FGF9: variants seen among roughly 807,000 people sequenced by gnomAD.
FGF9 encodes the protein fibroblast growth factor 9.
In FGF9, 3 loss-of-function variants were observed where a neutral mutation model predicts 19.9. That is an observed-to-expected ratio of 0.15 (90% CI 0.07 to 0.39). The LOEUF (loss-of-function observed/expected upper bound fraction) is 0.39, where lower values mean the gene tolerates loss of function less well. Ranked by LOEUF, FGF9 falls within the 10% of genes least tolerant of loss-of-function variation. The pLI is 1.00. For synonymous variants in FGF9, 107 were observed against 106.9 expected (o/e 1.00, Z -0.01); for missense variants, 175 against 256.8 (o/e 0.68, Z 2.18).
chr13:21,701,700 AGTGTGTGTATGTGT>A lies in FGF9; in HGVS notation c.*274_*287del. The A allele has an allele frequency of 2.3e-6, 1 of 441,908 alleles. No homozygotes were observed. The highest frequency in any genetic ancestry group is 2.1e-5 in the South Asian group (1 of 48,634). 27.4% of individuals were successfully genotyped at this position (441,908 alleles called of 1,614,324 possible). A position where few individuals can be genotyped will look rare whatever the true frequency, so the allele number is the denominator to read the frequency against. Reference sequence around the variant, plus strand: ...AGAGAGAGAGAGACTGAGCGCTAGGAGTGTGTGTATGTGTGTGTGTGTGTGTGTGTGTGTGTGTG... The same window carrying A: ...AGAGAGAGAGAGACTGAGCGCTAGGAGTGTGTGTGTGTGTGTGTGTGTGTG... On this transcript the variant is annotated 3_prime_UTR_variant, in exon 3 of 3. Coordinates refer to ENST00000382353, the MANE Select transcript of FGF9 (RefSeq NM_002010.3).
chr13:21,684,116 CTT>C (rs1872103159), intron 2 of FGF9, among the ~76,000 whole-genome samples: 1 of 152,242 alleles, frequency 6.6e-6, no homozygotes, highest in African/African-American at 2.4e-5. Context: ...AAGCAGGACT[CTT>C]TATTTAAATT....
In FGF9 at chr13:21,704,055, A is replaced by G. The variant is rs1178349151; in HGVS notation, c.*2620A>G. 1 of 152,178 alleles carries G rather than the reference A, an allele frequency of 6.6e-6. No homozygotes were observed. Among genetic ancestry groups the G allele is most frequent in the Non-Finnish European group, 1.5e-5 (1 of 68,022 alleles). The allele number at this position is 152,178 out of a possible 1,614,324, so 9.4% of individuals were successfully genotyped here. A position where few individuals can be genotyped will look rare whatever the true frequency, so the allele number is the denominator to read the frequency against. On this transcript the variant is annotated 3_prime_UTR_variant, in exon 3 of 3. Transcript: ENST00000382353. ...GTGTGGGCATTGTCTCTTGGGCAGT[A>G]GAGTGAGTCATCCCCAGCTCATGGG...
chr13:21,700,940 T>C (rs1427124387), intron 2 of FGF9, among the ~76,000 whole-genome samples: 1 of 152,234 alleles, frequency 6.6e-6, no homozygotes, highest in East Asian at 1.9e-4. Flanking sequence ...ATGGGGGTTA[T>C]ATTGTGTAGC....
intron 1 of FGF9, among the ~76,000 whole-genome samples, chr13:21,680,069 T>G (rs1593092411): frequency 6.6e-6 from 1 of 152,216 alleles, no homozygotes; most frequent in South Asian, 2.1e-4. Context: ...GGCCATAAAA[T>G]TCTGGATTTA....
chr13:21,695,935 A>G (rs1045932522), intron 2 of FGF9, among the ~76,000 whole-genome samples: 11 of 152,200 alleles, frequency 7.2e-5, no homozygotes, highest in Non-Finnish European at 1.5e-4. Flanking sequence ...TGTGGACAAA[A>G]CGACACCACA....
At position 21,685,712 on chromosome 13, in the gene FGF9, A is replaced by C. The variant is rs1872141213; in HGVS notation, c.381+4567A>C. On this transcript the variant is annotated intron_variant, in intron 2 of 2. Coordinates refer to ENST00000382353, the MANE Select transcript of FGF9 (RefSeq NM_002010.3). Reference sequence around the variant, plus strand: ...TTGTAAATAATTCAGGGCAGTGTGAAATTTCCCATAGTAGAGGAATGGACA... The same window carrying C: ...TTGTAAATAATTCAGGGCAGTGTGACATTTCCCATAGTAGAGGAATGGACA... 2.0e-5 allele frequency among the ~76,000 whole-genome samples: 3 copies of C among 152,338 alleles called. No individual in the cohort carries two copies. In the South Asian group the frequency reaches 6.2e-4, roughly 32 times the overall value.
At position 21,701,604 on chromosome 13, in the gene FGF9, C is replaced by T; in HGVS notation, c.*169C>T. ...TGGATGGGAATATGCTGATTTTGTTCTGCACTTAAAGGCTTCTCCTCCTGG... is the reference window on the plus strand; with the variant it reads ...TGGATGGGAATATGCTGATTTTGTTTTGCACTTAAAGGCTTCTCCTCCTGG... On this transcript the variant is annotated 3_prime_UTR_variant, in exon 3 of 3. Transcript: ENST00000382353. 3.2e-6 allele frequency: 3 copies of T among 945,758 alleles called. No individual in the cohort carries two copies. Among genetic ancestry groups the T allele is most frequent in the Non-Finnish European group, 4.8e-6 (3 of 621,974 alleles). 58.6% of individuals were successfully genotyped at this position (945,758 alleles called of 1,614,324 possible).
At chr13:21,684,716 C>T (rs933522578) in intron 2 of FGF9, among the ~76,000 whole-genome samples, 1 of 152,180 alleles carries the variant, frequency 6.6e-6, no homozygotes, top group Non-Finnish European at 1.5e-5. Context: ...ATGAAGAGCT[C>T]GAGTTAGACA....
rs1006237647 is a variant in FGF9, at chr13:21,682,035, G to A, written c.381+890G>A. Among the ~76,000 whole-genome samples the A allele has an allele frequency of 5.4e-5, 8 of 148,118 alleles. No homozygotes were observed. In the East Asian group the frequency reaches 1.6e-3, roughly 29 times the overall value. On this transcript the variant is annotated intron_variant, in intron 2 of 2. Coordinates refer to ENST00000382353, the MANE Select transcript of FGF9 (RefSeq NM_002010.3). ...CTTTCTTTTTTTTTTTTTTGAGATA[G>A]GGTATTGCTGTTGCCCAGGCTAGAG...
rs77745672 is a variant in FGF9 at position 21,695,170 on chromosome 13, G to A, written c.382-6020G>A. Among the ~76,000 whole-genome samples, 1,105 of 151,886 alleles carry A rather than the reference G, an allele frequency of 7.3e-3. 6 individuals carry two copies. The highest frequency in any genetic ancestry group is 0.025 in the African/African-American group (1,040 of 41,424). On this transcript the variant is annotated intron_variant, in intron 2 of 2. Coordinates refer to ENST00000382353, the MANE Select transcript of FGF9 (RefSeq NM_002010.3). ...TATCATTGAGTTCCCAAATATTGAC[G>A]TAAGCAGCTTCTGGGAAAGGGTCTT... is the stretch of plus-strand genomic sequence containing the variant.
In FGF9 at chr13:21,703,958, A is replaced by C. The variant is rs1008722938; in HGVS notation, c.*2523A>C. 2.6e-5 allele frequency: 4 copies of C among 152,178 alleles called. No individual in the cohort carries two copies. The highest frequency in any genetic ancestry group is 5.9e-5 in the Non-Finnish European group (4 of 68,036). The allele number at this position is 152,178 out of a possible 1,614,324, so 9.4% of individuals were successfully genotyped here. On this transcript the variant is annotated 3_prime_UTR_variant, in exon 3 of 3. Transcript: ENST00000382353. ...GATACAATAAACTGTAATGGTCTGTAAATAAATAAATATTGACTCATGCGA... is the reference window on the plus strand; with the variant it reads ...GATACAATAAACTGTAATGGTCTGTCAATAAATAAATATTGACTCATGCGA...
intron 2 of FGF9, among the ~76,000 whole-genome samples, chr13:21,687,309 G>A (rs1192641341): frequency 2.6e-5 from 4 of 152,134 alleles, no homozygotes; most frequent in Non-Finnish European, 4.4e-5. Context: ...TCTTTAAAAG[G>A]AGACAATGAA....
chr13:21,676,167 C>T (rs1394036462), intron 1 of FGF9, among the ~76,000 whole-genome samples: 1 of 152,038 alleles, frequency 6.6e-6, no homozygotes, highest in African/African-American at 2.4e-5. Flanking sequence ...AAAACATGAA[C>T]GCTGGGCCTG....
At chr13:21,683,032 A>C (rs1011739740) in intron 2 of FGF9, among the ~76,000 whole-genome samples, 1 of 152,238 alleles carries the variant, frequency 6.6e-6, no homozygotes, top group African/African-American at 2.4e-5. Flanking sequence ...TTTAAAGAAT[A>C]GAATGAATGA....
At chr13:21,675,085 C>A (rs944498789) in intron 1 of FGF9, among the ~76,000 whole-genome samples, 1 of 151,216 alleles carries the variant, frequency 6.6e-6, no homozygotes, top group African/African-American at 2.4e-5. Flanking sequence ...GGAGCGGAAG[C>A]CCCGGCCCAG....
rs1872593020 is a variant in FGF9, at chr13:21,703,622, T to A, written c.*2187T>A. On this transcript the variant is annotated 3_prime_UTR_variant, in exon 3 of 3. Coordinates refer to ENST00000382353, the MANE Select transcript of FGF9 (RefSeq NM_002010.3). Reference sequence around the variant, plus strand: ...AATGTGCACATATTCAGGCTTTAGTTTTTCCAAAAGGCATTTTTTTTTTGG... The same window carrying A: ...AATGTGCACATATTCAGGCTTTAGTATTTCCAAAAGGCATTTTTTTTTTGG... 6.6e-6 allele frequency: 1 copy of A among 152,152 alleles called. No homozygotes were observed. The highest frequency in any genetic ancestry group is 2.1e-4 in the South Asian group (1 of 4,832). 9.4% of individuals were successfully genotyped at this position (152,152 alleles called of 1,614,324 possible). A position where few individuals can be genotyped will look rare whatever the true frequency, so the allele number is the denominator to read the frequency against.
chr13:21,688,495 C>T (rs1055468863), intron 2 of FGF9, among the ~76,000 whole-genome samples: 1 of 152,234 alleles, frequency 6.6e-6, no homozygotes, highest in Admixed American at 6.5e-5. Context: ...ATACATCGTC[C>T]TGGTTTTAGA....
At chr13:21,697,265 C>T (rs1872430296) in intron 2 of FGF9, among the ~76,000 whole-genome samples, 1 of 152,218 alleles carries the variant, frequency 6.6e-6, no homozygotes, top group African/African-American at 2.4e-5. Flanking sequence ...CTTCCTGCCT[C>T]AGCCTCCTGT....
At chr13:21,688,177 A>G (rs528198854) in intron 2 of FGF9, among the ~76,000 whole-genome samples, 31 of 152,368 alleles carry the variant, frequency 2.0e-4, no homozygotes, top group African/African-American at 7.2e-4. Flanking sequence ...ATACCACACC[A>G]CATGGCAAGG....
Sources: allele counts gnomAD v4.1 joint callset (sites outside exome capture counted in the v4.1 genomes callset), GRCh38; gene constraint gnomAD v4.1.1; transcripts MANE v1.5; gene names NCBI Gene and HGNC (gene_info 2026-07-23, HGNC 2026-07-21).